Variants in SCAI observed in about 807,000 individuals in gnomAD.
SCAI encodes the protein protein SCAI.
Under a neutral mutation model 92.2 loss-of-function variants are expected in SCAI, and 24 were observed. That is an observed-to-expected ratio of 0.26 (90% CI 0.19 to 0.37). The LOEUF (loss-of-function observed/expected upper bound fraction) is 0.37. SCAI is among the 10% of genes least tolerant of loss of function. The pLI is 1.00. For synonymous variants in SCAI, 261 were observed against 258.6 expected (o/e 1.01, Z -0.09); for missense variants, 450 against 736.2 (o/e 0.61, Z 4.50).
At chr9:124,976,247 A>C in intron 14 of SCAI, 61 bp from the exon 15 acceptor site, 1 of 1,194,858 alleles carries the variant, frequency 8.4e-7, no homozygotes, top group South Asian at 1.2e-5. Context: ...GTTACTTAGT[A>C]ATTTTCCAAA....
At chr9:125,033,053 T>C (rs7032072) in intron 3 of SCAI, among the ~76,000 whole-genome samples, 2,545 of 152,004 alleles carry the variant, frequency 0.017, 73 homozygotes, top group African/African-American at 0.059. Flanking sequence ...AAACTGCAAA[T>C]AAGTACTAAA....
chr9:125,067,835 C>T (rs902532524), intron 2 of SCAI, among the ~76,000 whole-genome samples: 2 of 152,136 alleles, frequency 1.3e-5, no homozygotes, highest in African/African-American at 4.8e-5. Context: ...AAAACAACAA[C>T]GAGCAGGGAC....
chr9:124,967,701 G>A (rs1442992441), intron 17 of SCAI, among the ~76,000 whole-genome samples: 1 of 151,932 alleles, frequency 6.6e-6, no homozygotes, highest in Admixed American at 6.6e-5. Flanking sequence ...GGAAGAAACA[G>A]CACTAGGTCT....
In SCAI at chr9:125,029,107, T is replaced by G. The variant is rs1006714328; in HGVS notation, c.326+537A>C. 2.6e-5 allele frequency among the ~76,000 whole-genome samples: 4 copies of G among 151,662 alleles called. No individual in the cohort carries two copies. In the East Asian group the frequency reaches 7.7e-4, roughly 29 times the overall value. On this transcript the variant is annotated intron_variant, in intron 4 of 17. Coordinates refer to ENST00000336505, the MANE Select transcript of SCAI (RefSeq NM_001144877.3). The stretch of plus-strand genomic sequence containing the variant: ...GCCACTGCACCCAGCCTTATTTTAT[T>G]ATTTATTTTTATTTATTTATTTACT...
Position 124,971,504 on chromosome 9 carries a change from G to A in SCAI, c.1574-34C>T. On this transcript the variant is annotated intron_variant, in intron 16 of 17. Transcript: ENST00000336505. ...AGGAGAAAAGTGACAGTAAAAAGAT[G>A]CTTAAATGGAAATTATGTTTCAAAG... 2.0e-6 allele frequency: 3 copies of A among 1,521,364 alleles called. No individual in the cohort carries two copies. In the South Asian group the frequency reaches 3.5e-5, roughly 18 times the overall value. The allele number at this position is 1,521,364 out of a possible 1,614,324, so 94.2% of individuals were successfully genotyped here.
At chr9:124,972,277 C>T (rs1459395608) in intron 15 of SCAI, among the ~76,000 whole-genome samples, 4 of 152,156 alleles carry the variant, frequency 2.6e-5, no homozygotes. Context: ...CCATACATTG[C>T]TGACTGCTCT....
intron 17 of SCAI, among the ~76,000 whole-genome samples, chr9:124,960,149 CA>C (rs1163703324): frequency 6.6e-6 from 1 of 151,974 alleles, no homozygotes; most frequent in African/African-American, 2.4e-5. Context: ...ATACTATGAC[CA>C]AAAAAATTCA....
At chr9:125,022,444 C>T (rs150849602) in intron 6 of SCAI, among the ~76,000 whole-genome samples, 8 of 152,250 alleles carry the variant, frequency 5.3e-5, no homozygotes, top group Non-Finnish European at 1.2e-4. Context: ...GACAGTCTTG[C>T]CCTATTTCCC....
intron 3 of SCAI, among the ~76,000 whole-genome samples, chr9:125,033,336 CAGAGAT>C (rs925386262): frequency 7.9e-5 from 12 of 151,926 alleles, no homozygotes; most frequent in Admixed American, 5.2e-4. Flanking sequence ...TTATCAGAGA[CAGAGAT>C]AAATAAAATA....
At chr9:125,037,269 G>A (rs1420028385) in intron 3 of SCAI, among the ~76,000 whole-genome samples, 3 of 135,852 alleles carry the variant, frequency 2.2e-5, no homozygotes, top group Admixed American at 7.5e-5. Context: ...AAACTTTGTC[G>A]ATTAAAAAAA....
At chr9:125,023,537 T>C (rs1459720806) in intron 6 of SCAI, among the ~76,000 whole-genome samples, 2 of 152,290 alleles carry the variant, frequency 1.3e-5, no homozygotes, top group Middle Eastern at 3.4e-3. Context: ...GTTCTATGAA[T>C]CTGTATCATG....
At chr9:125,098,322 G>A (rs1313717573) in intron 2 of SCAI, among the ~76,000 whole-genome samples, 1 of 152,058 alleles carries the variant, frequency 6.6e-6, no homozygotes, top group South Asian at 2.1e-4. Flanking sequence ...TTCCCAAAGT[G>A]CTGGGATTAC....
chr9:124,991,873 T>C (rs1832134286), intron 14 of SCAI, among the ~76,000 whole-genome samples: 1 of 151,980 alleles, frequency 6.6e-6, no homozygotes, highest in Non-Finnish European at 1.5e-5. Context: ...ACCAAAAAAC[T>C]TGCAAAGTGG....
At chr9:125,118,714 C>G (rs142287156) in intron 2 of SCAI, among the ~76,000 whole-genome samples, 1 of 152,104 alleles carries the variant, frequency 6.6e-6, no homozygotes, top group African/African-American at 2.4e-5. Context: ...ACCCCCACCC[C>G]ACATGGCCTC....
intron 2 of SCAI, among the ~76,000 whole-genome samples, chr9:125,122,739 T>C (rs1835180956): frequency 6.6e-6 from 1 of 151,888 alleles, no homozygotes; most frequent in South Asian, 2.1e-4. Flanking sequence ...GCCCTGTCTC[T>C]ACCAAAAATA....
chr9:125,026,376 C>T lies in SCAI; in HGVS notation c.512+436G>A, dbSNP rs1213201659. Among the ~76,000 whole-genome samples the T allele has an allele frequency of 1.1e-3, 98 of 88,822 alleles. 4 individuals carry two copies. Among genetic ancestry groups the T allele is most frequent in the Admixed American group, 0.011 (93 of 8,608 alleles). The allele number at this position is 88,822 out of a possible 152,430, so 58.3% of individuals were successfully genotyped here. A position where few individuals can be genotyped will look rare whatever the true frequency, so the allele number is the denominator to read the frequency against. ...GCCTGGGCGACAGAGCAAGACTCCA[C>T]CTCCAAAAAAAAAAAAAAAGAGAGA... is the stretch of plus-strand genomic sequence containing the variant. On this transcript the variant is annotated intron_variant, in intron 6 of 17. Coordinates refer to ENST00000336505, the MANE Select transcript of SCAI (RefSeq NM_001144877.3).
At position 125,042,213 on chromosome 9, in the gene SCAI, T is replaced by G. The variant is rs76483816; in HGVS notation, c.231-12474A>C. Among the ~76,000 whole-genome samples the G allele has an allele frequency of 2.8e-3, 431 of 152,284 alleles. 7 individuals are homozygous for G. Among genetic ancestry groups the G allele is most frequent in the East Asian group, 0.019 (100 of 5,182 alleles). ...TTTTTTCCAAGATTTTGGAGGAAAG[T>G]AAAAGTATGACACTAATCTCTCTTT... On this transcript the variant is annotated intron_variant, in intron 3 of 17. Transcript: ENST00000336505.
intron 2 of SCAI, among the ~76,000 whole-genome samples, chr9:125,127,281 G>A (rs933356760): frequency 2.4e-4 from 36 of 152,100 alleles, no homozygotes; most frequent in African/African-American, 8.7e-4. Context: ...CCTTCTCCTG[G>A]TACCTCAAAA....
intron 15 of SCAI, among the ~76,000 whole-genome samples, chr9:124,973,669 A>T (rs932525400): frequency 6.6e-6 from 1 of 152,034 alleles, no homozygotes; most frequent in Non-Finnish European, 1.5e-5. Context: ...TCATAAAAAT[A>T]CAAAAAAATT....
Sources: gnomAD v4.1 joint callset for allele counts (sites outside exome capture counted in the v4.1 genomes callset) on GRCh38, gnomAD v4.1.1 for gene constraint, MANE v1.5 for transcripts, NCBI Gene and HGNC (gene_info 2026-07-23, HGNC 2026-07-21) for gene names.